MPPED2: variants seen among roughly 807,000 people sequenced by gnomAD.
MPPED2 encodes metallophosphoesterase MPPED2.
MPPED2 carries 5 observed loss-of-function variants against 33.0 expected under a neutral mutation model. That is an observed-to-expected ratio of 0.15 (90% CI 0.08 to 0.32). MPPED2 has a LOEUF of 0.32. MPPED2 is among the 10% of genes least tolerant of loss of function. MPPED2 has a pLI of 1.00. For missense variants in MPPED2, 275 were observed against 372.1 expected (o/e 0.74, Z 2.15); for synonymous variants, 136 against 141.9 (o/e 0.96, Z 0.29).
chr11:30,567,575 T>C (rs1419284756), intron 2 of MPPED2, among the ~76,000 whole-genome samples: 4 of 152,176 alleles, frequency 2.6e-5, no homozygotes, highest in African/African-American at 9.7e-5. Flanking sequence ...ATTTAATACA[T>C]TGGCTACACG....
intron 2 of MPPED2, among the ~76,000 whole-genome samples, chr11:30,561,720 C>G (rs1464636561): frequency 6.6e-6 from 1 of 152,154 alleles, no homozygotes; most frequent in Non-Finnish European, 1.5e-5. Flanking sequence ...CCACATTTTC[C>G]AAAAGGAAAA....
intron 2 of MPPED2, among the ~76,000 whole-genome samples, chr11:30,541,058 T>A (rs531595634): frequency 2.6e-5 from 4 of 152,236 alleles, no homozygotes; most frequent in African/African-American, 7.2e-5. Flanking sequence ...GCCCAGGCCA[T>A]GGGGAGGTGG....
chr11:30,486,338 A>G (rs1951740917), intron 4 of MPPED2, among the ~76,000 whole-genome samples: 1 of 152,006 alleles, frequency 6.6e-6, no homozygotes, highest in African/African-American at 2.4e-5. Context: ...AGTGTTTGTC[A>G]AGTAGCCTGA....
chr11:30,388,170 C>T (rs1016851539), exon 7 of MPPED2: 1 of 152,392 alleles, frequency 6.6e-6, no homozygotes, highest in African/African-American at 2.4e-5. Context: ...TGGAGAATCA[C>T]ACAATCATCC....
chr11:30,418,482 C>G (rs1209875143), intron 4 of MPPED2, among the ~76,000 whole-genome samples: 2 of 152,204 alleles, frequency 1.3e-5, no homozygotes, highest in African/African-American at 4.8e-5. Context: ...ATCAATTTCT[C>G]TCTGCAAATA....
chr11:30,541,473 A>T (rs1437084054), intron 2 of MPPED2, among the ~76,000 whole-genome samples: 2 of 152,198 alleles, frequency 1.3e-5, no homozygotes, highest in African/African-American at 4.8e-5. Context: ...TATACAATCA[A>T]CCTATAATTC....
At chr11:30,544,482 A>T (rs1955303215) in intron 2 of MPPED2, among the ~76,000 whole-genome samples, 1 of 152,224 alleles carries the variant, frequency 6.6e-6, no homozygotes. Flanking sequence ...AAGACAAAGA[A>T]GCAATAAAGA....
At chr11:30,562,711 T>C (rs765294305) in intron 2 of MPPED2, among the ~76,000 whole-genome samples, 13 of 152,140 alleles carry the variant, frequency 8.5e-5, no homozygotes, top group Non-Finnish European at 1.6e-4. Flanking sequence ...GCAGTTCTGC[T>C]TGACCTTGAG....
chr11:30,580,566 A>G, intron 1 of MPPED2, 72 bp from the exon 2 acceptor site: 1 of 1,354,460 alleles, frequency 7.4e-7, no homozygotes, highest in East Asian at 2.6e-5. Flanking sequence ...CATAAATTTA[A>G]CATCTAGACA....
chr11:30,546,842 A>T (rs1297018484), intron 2 of MPPED2, among the ~76,000 whole-genome samples: 1 of 152,232 alleles, frequency 6.6e-6, no homozygotes, highest in Non-Finnish European at 1.5e-5. Flanking sequence ...CAATACAATA[A>T]TTATTAGACT....
intron 4 of MPPED2, among the ~76,000 whole-genome samples, chr11:30,455,885 A>G (rs776639710): frequency 2.0e-4 from 30 of 152,318 alleles, no homozygotes; most frequent in Admixed American, 4.6e-4. Context: ...CTGCTCTGCA[A>G]GATTGACATA....
chr11:30,569,475 G>C (rs1314480109), intron 2 of MPPED2, among the ~76,000 whole-genome samples: 1 of 152,222 alleles, frequency 6.6e-6, no homozygotes, highest in South Asian at 2.1e-4. Context: ...AGTCAAGAAA[G>C]GTTTCAATGC....
At chr11:30,523,621 CTTTTTTT>C (rs755853042) in intron 3 of MPPED2, among the ~76,000 whole-genome samples, 1 of 104,574 alleles carries the variant, frequency 9.6e-6, no homozygotes, top group African/African-American at 4.0e-5. Flanking sequence ...AGCAACACAT[CTTTTTTT>C]TTTTTTTTTT....
At chr11:30,476,857 A>G (rs185105708) in intron 4 of MPPED2, among the ~76,000 whole-genome samples, 43 of 152,184 alleles carry the variant, frequency 2.8e-4, no homozygotes, top group African/African-American at 1.0e-3. Context: ...CAGTTCGCAA[A>G]CATAATATAT....
intron 6 of MPPED2, among the ~76,000 whole-genome samples, chr11:30,392,315 G>C (rs1471734814): frequency 6.6e-6 from 1 of 152,116 alleles, no homozygotes; most frequent in Admixed American, 6.5e-5. Flanking sequence ...TGTTCTCACC[G>C]GTCTGTCTCT....
At chr11:30,524,390 T>C (rs377094654) in intron 3 of MPPED2, among the ~76,000 whole-genome samples, 47 of 152,210 alleles carry the variant, frequency 3.1e-4, no homozygotes, top group African/African-American at 1.0e-3. Context: ...GTTGGACCAG[T>C]TCATGAAGAG....
intron 2 of MPPED2, among the ~76,000 whole-genome samples, chr11:30,571,725 CT>C (rs1956701930): frequency 6.6e-6 from 1 of 152,152 alleles, no homozygotes; most frequent in South Asian, 2.1e-4. Context: ...TAAGCTTCTC[CT>C]TTTTGGAAAC....
intron 3 of MPPED2, among the ~76,000 whole-genome samples, chr11:30,510,408 C>T (rs1380576367): frequency 1.3e-5 from 2 of 152,176 alleles, no homozygotes; most frequent in African/African-American, 4.8e-5. Flanking sequence ...ACAACTTTTA[C>T]TTTTATTTTC....
At chr11:30,462,450 T>C (rs1229267424) in intron 4 of MPPED2, among the ~76,000 whole-genome samples, 1 of 152,190 alleles carries the variant, frequency 6.6e-6, no homozygotes, top group Non-Finnish European at 1.5e-5. Flanking sequence ...AATCACTGCA[T>C]AATTGTAAAA....
Sources: gnomAD v4.1 joint callset for allele counts (sites outside exome capture counted in the v4.1 genomes callset) on GRCh38, gnomAD v4.1.1 for gene constraint, MANE v1.5 for transcripts, NCBI Gene and HGNC (gene_info 2026-07-23, HGNC 2026-07-21) for gene names.